Variants in CRPPA observed in about 807,000 individuals in gnomAD.
CRPPA encodes D-ribitol-5-phosphate cytidylyltransferase.
In CRPPA, 43 loss-of-function variants were observed where a neutral mutation model predicts 52.0. That is an observed-to-expected ratio of 0.83 (90% CI 0.65 to 1.07). CRPPA has a LOEUF of 1.07. Ranked by LOEUF, CRPPA falls within the 50% of genes least tolerant of loss-of-function variation. CRPPA has a pLI of 0.00. For missense variants in CRPPA, 629 were observed against 551.7 expected (o/e 1.14, Z -1.40); for synonymous variants, 250 against 203.5 (o/e 1.23, Z -1.94).
At chr7:16,104,799 C>T (rs551089896) in intron 9 of CRPPA, among the ~76,000 whole-genome samples, 8 of 151,646 alleles carry the variant, frequency 5.3e-5, no homozygotes, top group African/African-American at 1.9e-4. Flanking sequence ...ACTCAGGAGG[C>T]TGAGGCAGAA....
At position 16,286,044 on chromosome 7, in the gene CRPPA, AATAT is replaced by A. The variant is rs1175134468; in HGVS notation, c.836-7822_836-7819del. On this transcript the variant is annotated intron_variant, in intron 5 of 9. Coordinates refer to ENST00000407010, the MANE Select transcript of CRPPA (RefSeq NM_001101426.4). ...TCAAAAAAAAAAAAAAAAAAATATA[AATAT>A]ATATATATATATATATATATATATA... Among the ~76,000 whole-genome samples, 88 of 12,544 alleles carry A rather than the reference AATAT, an allele frequency of 7.0e-3. 5 individuals are homozygous for A. Among genetic ancestry groups the A allele is most frequent in the East Asian group, 0.02 (9 of 458 alleles). The allele number at this position is 12,544 out of a possible 152,430, so 8.2% of individuals were successfully genotyped here. A position where few individuals can be genotyped will look rare whatever the true frequency, so the allele number is the denominator to read the frequency against.
intron 2 of CRPPA, among the ~76,000 whole-genome samples, chr7:16,383,841 C>T (rs1231242053): frequency 1.3e-5 from 2 of 152,206 alleles, no homozygotes; most frequent in South Asian, 2.1e-4. Flanking sequence ...TTTTTAAGCC[C>T]GTCGGAAAAG....
chr7:16,286,227 T>C (rs956847671), intron 5 of CRPPA, among the ~76,000 whole-genome samples: 1 of 150,092 alleles, frequency 6.7e-6, no homozygotes, highest in Non-Finnish European at 1.5e-5. Flanking sequence ...TATTAAGTGT[T>C]TCTGAGAAGG....
rs1248934377 is a variant in CRPPA, at chr7:16,376,119, A to G, written c.657T>C (p.Phe219=). The change falls in exon 3 of 10, where the codon TTT becomes TTC. Residue 219 remains phenylalanine, a synonymous_variant. Coordinates refer to ENST00000407010, the MANE Select transcript of CRPPA (RefSeq NM_001101426.4). ...GCTGATATGCTTCATAAATCACATCAAATAGAAAAGCTTGGGGCATTTCAC... is the reference window on the plus strand; with the variant it reads ...GCTGATATGCTTCATAAATCACATCGAATAGAAAAGCTTGGGGCATTTCAC... ...RASEMPQAFL[F]DVIYEAYQQC... is the part of the protein sequence containing the mutation. The G allele has an allele frequency of 6.2e-7, 1 of 1,605,806 alleles. No homozygotes were observed. The highest frequency in any genetic ancestry group is 8.5e-7 in the Non-Finnish European group (1 of 1,175,986).
chr7:16,349,326 A>G (rs1390622362), intron 3 of CRPPA, among the ~76,000 whole-genome samples: 1 of 152,214 alleles, frequency 6.6e-6, no homozygotes, highest in East Asian at 1.9e-4. Flanking sequence ...AAATCCTCTC[A>G]CTATATGAAA....
intron 8 of CRPPA, among the ~76,000 whole-genome samples, chr7:16,248,689 T>A (rs1484434020): frequency 6.6e-6 from 1 of 152,138 alleles, no homozygotes; most frequent in Non-Finnish European, 1.5e-5. Flanking sequence ...CTGAGGTACC[T>A]AGTTCATCTC....
chr7:16,249,162 G>C (rs1783366872), intron 8 of CRPPA, among the ~76,000 whole-genome samples: 3 of 152,134 alleles, frequency 2.0e-5, no homozygotes, highest in Non-Finnish European at 4.4e-5. Context: ...CGCCTCTCTA[G>C]ATTCTGCCTC....
At chr7:16,281,018 T>G (rs1380010393) in intron 5 of CRPPA, among the ~76,000 whole-genome samples, 1 of 152,092 alleles carries the variant, frequency 6.6e-6, no homozygotes, top group Non-Finnish European at 1.5e-5. Flanking sequence ...AGACTCTGTT[T>G]CAAGGGAAAA....
chr7:16,334,282 T>G (rs1785626553), intron 3 of CRPPA, among the ~76,000 whole-genome samples: 1 of 152,176 alleles, frequency 6.6e-6, no homozygotes, highest in African/African-American at 2.4e-5. Context: ...AGGGGGCACT[T>G]GGGCCCACCT....
intron 2 of CRPPA, among the ~76,000 whole-genome samples, chr7:16,396,904 G>A (rs1195389124): frequency 6.6e-6 from 1 of 152,228 alleles, no homozygotes; most frequent in Non-Finnish European, 1.5e-5. Flanking sequence ...TGACACATGT[G>A]TGAAAGACAA....
intron 9 of CRPPA, among the ~76,000 whole-genome samples, chr7:16,102,557 T>C (rs989024395): frequency 6.6e-6 from 1 of 152,098 alleles, no homozygotes; most frequent in Non-Finnish European, 1.5e-5. Context: ...CATCTATCTG[T>C]CTGACAAAGG....
intron 9 of CRPPA, among the ~76,000 whole-genome samples, chr7:16,092,471 A>G (rs936304745): frequency 5.3e-5 from 8 of 152,138 alleles, no homozygotes; most frequent in African/African-American, 1.9e-4. Flanking sequence ...ATCATCCTTA[A>G]TGCCTTATCC....
At chr7:16,316,112 A>T (rs1785138256) in intron 3 of CRPPA, among the ~76,000 whole-genome samples, 4 of 152,130 alleles carry the variant, frequency 2.6e-5, no homozygotes, top group Admixed American at 1.3e-4. Context: ...TAAAATGAGA[A>T]AATGACACAG....
At chr7:16,369,003 G>C (rs998899746) in intron 3 of CRPPA, among the ~76,000 whole-genome samples, 4 of 152,064 alleles carry the variant, frequency 2.6e-5, no homozygotes, top group African/African-American at 9.7e-5. Context: ...AATTCATCCA[G>C]CAATATTTAA....
intron 9 of CRPPA, among the ~76,000 whole-genome samples, chr7:16,104,358 G>T (rs1009265307): frequency 6.6e-6 from 1 of 152,154 alleles, no homozygotes; most frequent in Non-Finnish European, 1.5e-5. Context: ...TCCCAATAGG[G>T]AGGTAGAACA....
intron 9 of CRPPA, among the ~76,000 whole-genome samples, chr7:16,212,624 C>T (rs1167330565): frequency 2.0e-5 from 3 of 152,186 alleles, no homozygotes; most frequent in Non-Finnish European, 1.5e-5. Flanking sequence ...AAACCAGGCT[C>T]AGTTCCAGAA....
chr7:16,151,925 T>C (rs1336166351), intron 9 of CRPPA, among the ~76,000 whole-genome samples: 4 of 152,126 alleles, frequency 2.6e-5, no homozygotes, highest in Non-Finnish European at 4.4e-5. Context: ...ACTGAAAACA[T>C]AGTGAGCAAA....
At chr7:16,108,267 T>C (rs1782195538) in intron 9 of CRPPA, among the ~76,000 whole-genome samples, 1 of 151,776 alleles carries the variant, frequency 6.6e-6, no homozygotes, top group Non-Finnish European at 1.5e-5. Context: ...AGACTGTAAA[T>C]GAAGGGATGG....
intron 8 of CRPPA, among the ~76,000 whole-genome samples, chr7:16,222,779 C>G (rs1184814183): frequency 6.6e-6 from 1 of 152,034 alleles, no homozygotes; most frequent in Non-Finnish European, 1.5e-5. Context: ...TGAAAGTATT[C>G]TACTGATCAT....
Sources: gnomAD v4.1 joint callset for allele counts (sites outside exome capture counted in the v4.1 genomes callset) on GRCh38, gnomAD v4.1.1 for gene constraint, MANE v1.5 for transcripts, NCBI Gene and HGNC (gene_info 2026-07-23, HGNC 2026-07-21) for gene names.